RMDN2: variants seen among roughly 807,000 people sequenced by gnomAD.
RMDN2 encodes regulator of microtubule dynamics 2.
In RMDN2, 61 loss-of-function variants were observed where a neutral mutation model predicts 52.8. The observed-to-expected ratio is 1.16, with a 90% CI of 0.94 to 1.43. The LOEUF is 1.43. Among genes scored for constraint, RMDN2 ranks in the 40% most tolerant of loss-of-function variants. The pLI is 0.00. For synonymous variants in RMDN2, 180 were observed against 153.1 expected, an observed-to-expected ratio of 1.18 and a Z score of -1.30; for missense variants, 592 against 475.3, an observed-to-expected ratio of 1.25 and a Z score of -2.28.
chr2:37,948,958 G>A (rs947042011), intron 2 of RMDN2, among the ~76,000 whole-genome samples: 1 of 152,030 alleles, frequency 6.6e-6, no homozygotes, highest in South Asian at 2.1e-4. Flanking sequence ...GCCATTGGTG[G>A]GAGTGTTAAA....
upstream of RMDN2, among the ~76,000 whole-genome samples, chr2:37,921,248 T>C (rs191363027): frequency 7.8e-3 from 1,182 of 152,382 alleles, 12 homozygotes; most frequent in South Asian, 0.048. Context: ...ACTTAGTCTA[T>C]GGAAATATTT....
At chr2:38,010,891 G>A (rs1573080810) in intron 10 of RMDN2, among the ~76,000 whole-genome samples, 1 of 152,236 alleles carries the variant, frequency 6.6e-6, no homozygotes, top group East Asian at 1.9e-4. Flanking sequence ...CCTTTGACTT[G>A]GATTTTACAT....
At chr2:37,959,974 C>T (rs556974449) in intron 2 of RMDN2, among the ~76,000 whole-genome samples, 18 of 143,926 alleles carry the variant, frequency 1.3e-4, no homozygotes, top group Admixed American at 7.3e-4. Flanking sequence ...GTTTCTTAAT[C>T]TTGAGTTCTA....
intron 10 of RMDN2, among the ~76,000 whole-genome samples, chr2:38,025,775 T>C (rs1278599210): frequency 6.6e-6 from 1 of 152,142 alleles, no homozygotes; most frequent in African/African-American, 2.4e-5. Flanking sequence ...TTTTAAAATA[T>C]TAAGACAGCC....
chr2:37,951,610 T>G, intron 2 of RMDN2: 1 of 1,613,466 alleles, frequency 6.2e-7, no homozygotes, highest in Non-Finnish European at 8.5e-7. Context: ...TCCCGTAAAC[T>G]AAGTATAGTT....
chr2:37,944,813 T>C (rs1668088899), intron 2 of RMDN2, among the ~76,000 whole-genome samples: 1 of 152,208 alleles, frequency 6.6e-6, no homozygotes, highest in Non-Finnish European at 1.5e-5. Context: ...ATATATTTTA[T>C]GTTTCACTTT....
At position 37,981,348 on chromosome 2, in the gene RMDN2, G is replaced by C; in HGVS notation, c.791+5G>C. ...GAATGGACATTGTCATCTGTGGTAAGTGTATAGGATTTATGCAGTCTTTTA... is the reference window on the plus strand; with the variant it reads ...GAATGGACATTGTCATCTGTGGTAACTGTATAGGATTTATGCAGTCTTTTA... On this transcript the variant is annotated splice_donor_5th_base_variant and intron_variant, in intron 5 of 10. Transcript: ENST00000354545. 2 of 1,589,206 alleles carry C rather than the reference G, an allele frequency of 1.3e-6. No homozygotes were observed. The highest frequency in any genetic ancestry group is 1.7e-6 in the Non-Finnish European group (2 of 1,157,616).
intron 2 of RMDN2, among the ~76,000 whole-genome samples, chr2:37,947,261 A>G (rs570580403): frequency 6.6e-6 from 1 of 152,248 alleles, no homozygotes; most frequent in Non-Finnish European, 1.5e-5. Context: ...TGTACACATT[A>G]TTTAGTTCCT....
chr2:38,017,655 C>A lies in RMDN2; in HGVS notation c.*416C>A. ...GCAAAGGACATGAACAAGTTGTTGG[C>A]AGAAGAGGAAAAACAAACAAATGTA... On this transcript the variant is annotated 3_prime_UTR_variant, in exon 11 of 11. Coordinates refer to ENST00000354545, the MANE Select transcript of RMDN2 (RefSeq NM_001170791.3). 1 of 868,346 alleles carries A rather than the reference C, an allele frequency of 1.2e-6. No individual in the cohort carries two copies. Among genetic ancestry groups the A allele is most frequent in the Non-Finnish European group, 1.6e-6 (1 of 628,594 alleles). The allele number at this position is 868,346 out of a possible 1,614,324, so 53.8% of individuals were successfully genotyped here.
At chr2:38,062,872 G>T (rs1573259148) in intron 10 of RMDN2, among the ~76,000 whole-genome samples, 1 of 149,800 alleles carries the variant, frequency 6.7e-6, no homozygotes, top group Admixed American at 6.8e-5. Flanking sequence ...GCGGTGTTTG[G>T]TTTTTTGTCC....
chr2:38,028,104 T>C (rs553383168), intron 10 of RMDN2: 1 of 152,348 alleles, frequency 6.6e-6, no homozygotes, highest in East Asian at 1.9e-4. Context: ...TAATCAAACA[T>C]TTATTGAGCT....
At chr2:38,064,998 A>G (rs1682209919) in intron 10 of RMDN2, among the ~76,000 whole-genome samples, 1 of 152,186 alleles carries the variant, frequency 6.6e-6, no homozygotes, top group South Asian at 2.1e-4. Context: ...TGCGTATGGC[A>G]TGCATTACAA....
rs1390786522 is a variant in RMDN2, at chr2:37,993,769, TG to T, written c.945+2479del. 1.5e-4 allele frequency among the ~76,000 whole-genome samples: 6 copies of T among 39,484 alleles called. No homozygotes were observed. The East Asian group carries it at 3.1e-3, about 21-fold the overall frequency. The allele number at this position is 39,484 out of a possible 152,430, so 25.9% of individuals were successfully genotyped here. Reference sequence around the variant, plus strand: ...CAAAAGTACAATGCCTGGTGGGGGGTGGGGGGGAGATGAACTTAAATAAAAT... The same window carrying T: ...CAAAAGTACAATGCCTGGTGGGGGGTGGGGGGAGATGAACTTAAATAAAAT... On this transcript the variant is annotated intron_variant, in intron 7 of 10. Transcript: ENST00000354545.
At position 37,951,311 on chromosome 2, in the gene RMDN2, C is replaced by T. The variant is rs761939860; in HGVS notation, c.452+21582C>T. On this transcript the variant is annotated intron_variant, in intron 2 of 10. Transcript: ENST00000354545. The stretch of plus-strand genomic sequence containing the variant: ...GTACAGACGCCCAGCATCGTGGAGC[C>T]TCTTCTATTTCACAACCAAGTATAT... The T allele has an allele frequency of 6.8e-6, 11 of 1,612,694 alleles. No homozygotes were observed. In the African/African-American group the frequency reaches 1.5e-4, roughly 22 times the overall value.
rs909014807 is a variant in RMDN2, at chr2:38,023,881, G to A, written c.1713+19665G>A. On this transcript the variant is annotated intron_variant, in intron 10 of 10. Transcript: ENST00000234195. The stretch of plus-strand genomic sequence containing the variant: ...CCACGAAACCATCACCACAGTTAAG[G>A]TAACAAACATTTTCATCACTTCAAA... Among the ~76,000 whole-genome samples the A allele has an allele frequency of 2.6e-5, 4 of 152,110 alleles. 1 individual carries two copies. The highest frequency in any genetic ancestry group is 4.1e-4 in the South Asian group (2 of 4,828).
At chr2:37,976,529 A>G (rs544056351) in intron 4 of RMDN2, among the ~76,000 whole-genome samples, 1 of 152,290 alleles carries the variant, frequency 6.6e-6, no homozygotes, top group Non-Finnish European at 1.5e-5. Flanking sequence ...CCTTGTAATT[A>G]TATTTTTCCA....
intron 10 of RMDN2, among the ~76,000 whole-genome samples, chr2:38,053,828 C>T (rs1450265348): frequency 6.6e-6 from 1 of 152,130 alleles, no homozygotes. Flanking sequence ...TTTAATTTGC[C>T]TGGGGAGCAA....
intron 2 of RMDN2, among the ~76,000 whole-genome samples, chr2:37,962,537 T>C (rs1040762917): frequency 1.3e-5 from 2 of 152,064 alleles, no homozygotes; most frequent in African/African-American, 4.8e-5. Flanking sequence ...TGGACGCCCC[T>C]CCCCCACCAA....
intron 10 of RMDN2, among the ~76,000 whole-genome samples, chr2:38,058,284 T>C (rs77275361): frequency 0.024 from 3,702 of 152,248 alleles, 147 homozygotes; most frequent in African/African-American, 0.085. Flanking sequence ...AAATCTCAGG[T>C]ATCTGAAAAA....
Sources: gnomAD v4.1 joint callset for allele counts (sites outside exome capture counted in the v4.1 genomes callset) on GRCh38, gnomAD v4.1.1 for gene constraint, MANE v1.5 for transcripts, NCBI Gene and HGNC (gene_info 2026-07-23, HGNC 2026-07-21) for gene names.